Variants in PCOLCE2 observed in about 807,000 individuals in gnomAD.
The protein encoded by PCOLCE2 is procollagen C-proteinase enhancer 2.
PCOLCE2 carries 42 observed loss-of-function variants against 47.0 expected under a neutral mutation model. The ratio of observed to expected loss-of-function variants is 0.89; its 90% confidence interval spans 0.70 to 1.16. The LOEUF is 1.16. Ranked by LOEUF, PCOLCE2 falls within the 50% of genes most tolerant of loss-of-function variation. The pLI is 0.00. For synonymous variants in PCOLCE2, 169 were observed against 191.7 expected (o/e 0.88, Z 0.98); for missense variants, 500 against 526.1 (o/e 0.95, Z 0.49).
intron 2 of PCOLCE2, among the ~76,000 whole-genome samples, chr3:142,873,705 A>G (rs370470617): frequency 1.4e-4 from 22 of 152,330 alleles, no homozygotes; most frequent in African/African-American, 5.1e-4. Context: ...TTCAGAAACC[A>G]ACAATAAACC....
intron 2 of PCOLCE2, among the ~76,000 whole-genome samples, chr3:142,871,708 T>G (rs1462274381): frequency 1.3e-5 from 2 of 152,204 alleles, no homozygotes; most frequent in Admixed American, 1.3e-4. Flanking sequence ...CCTGCTGACT[T>G]GCACTACAAA....
chr3:142,843,122 G>C, intron 3 of PCOLCE2, 74 bp from the exon 4 acceptor site: 1 of 1,446,406 alleles, frequency 6.9e-7, no homozygotes, highest in Non-Finnish European at 9.6e-7. Flanking sequence ...TGGAGATTAG[G>C]AATGTGGGAT....
chr3:142,860,266 C>A, intron 2 of PCOLCE2, among the ~76,000 whole-genome samples: 1 of 152,182 alleles, frequency 6.6e-6, no homozygotes, highest in Non-Finnish European at 1.5e-5. Context: ...CCCTTTTAAA[C>A]TTCACCTCTT....
Position 142,820,908 on chromosome 3 carries a change from C to A in PCOLCE2, c.1087G>T (p.Val363Phe). ...CTGAGGAGAGGGCACTGCTTGCAGA[C>A]GACAGTCAGCCTGGCACTCATGTTC... The part of the protein sequence containing the change: ...GKNMSARLTV[V>F]CKQCPLLRRG... The change falls in exon 8 of 9, where the codon GTC becomes TTC. Residue 363 changes from valine to phenylalanine, a missense_variant. Coordinates refer to ENST00000295992, the MANE Select transcript of PCOLCE2 (RefSeq NM_013363.4). 6.2e-7 allele frequency: 1 copy of A among 1,613,856 alleles called. No homozygotes were observed. Among genetic ancestry groups the A allele is most frequent in the Non-Finnish European group, 8.5e-7 (1 of 1,179,820 alleles).
chr3:142,853,064 C>A (rs1932982400), intron 2 of PCOLCE2, among the ~76,000 whole-genome samples: 1 of 147,316 alleles, frequency 6.8e-6, no homozygotes, highest in African/African-American at 2.5e-5. Context: ...CATGATCACA[C>A]TGTACTCTAG....
At chr3:142,826,348 A>T (rs1179844973) in intron 6 of PCOLCE2, among the ~76,000 whole-genome samples, 1 of 152,036 alleles carries the variant, frequency 6.6e-6, no homozygotes, top group Non-Finnish European at 1.5e-5. Flanking sequence ...CATAGCAGAA[A>T]ATGTTCTCAA....
intron 6 of PCOLCE2, among the ~76,000 whole-genome samples, chr3:142,824,220 C>T (rs1172210591): frequency 6.6e-6 from 1 of 151,788 alleles, no homozygotes; most frequent in African/African-American, 2.4e-5. Flanking sequence ...ATAGACAAAA[C>T]ACAGCAGTTC....
At position 142,888,999 on chromosome 3, in the gene PCOLCE2, G is replaced by A. The variant is rs1220288999; in HGVS notation, c.-103C>T. 1 of 524,816 alleles carries A rather than the reference G, an allele frequency of 1.9e-6. No homozygotes were observed. The highest frequency in any genetic ancestry group is 6.7e-5 in the South Asian group (1 of 14,890). The allele number at this position is 524,816 out of a possible 1,614,324, so 32.5% of individuals were successfully genotyped here. A position where few individuals can be genotyped will look rare whatever the true frequency, so the allele number is the denominator to read the frequency against. Reference sequence around the variant, plus strand: ...CACCGCCGCTCACACTGGCAGCAGCGCTGGCTCACACCGGCGCTCGGCTGC... The same window carrying A: ...CACCGCCGCTCACACTGGCAGCAGCACTGGCTCACACCGGCGCTCGGCTGC... On this transcript the variant is annotated 5_prime_UTR_variant, in exon 1 of 9. Transcript: ENST00000295992.
intron 2 of PCOLCE2, among the ~76,000 whole-genome samples, chr3:142,877,745 G>A (rs534590642): frequency 1.3e-5 from 2 of 152,228 alleles, no homozygotes; most frequent in East Asian, 1.9e-4. Context: ...AGTATCACAC[G>A]TACTACCCTG....
intron 3 of PCOLCE2, among the ~76,000 whole-genome samples, chr3:142,845,963 G>C (rs1372509193): frequency 2.0e-5 from 3 of 152,026 alleles, no homozygotes; most frequent in African/African-American, 7.2e-5. Flanking sequence ...CAACAAGAGT[G>C]AAACTCAGTC....
intron 2 of PCOLCE2, among the ~76,000 whole-genome samples, chr3:142,881,833 C>T (rs73232758): frequency 0.19 from 28,780 of 152,086 alleles, 3,137 homozygotes; most frequent in South Asian, 0.27. Context: ...GATGGTAATA[C>T]TTGAGTTACC....
At chr3:142,845,122 G>T (rs948568400) in intron 3 of PCOLCE2, among the ~76,000 whole-genome samples, 2 of 151,854 alleles carry the variant, frequency 1.3e-5, no homozygotes, top group African/African-American at 4.8e-5. Context: ...TATTCCATCT[G>T]TTTTTCCTTA....
chr3:142,879,793 C>G (rs1246258200), intron 2 of PCOLCE2, among the ~76,000 whole-genome samples: 3 of 151,432 alleles, frequency 2.0e-5, no homozygotes, highest in African/African-American at 7.3e-5. Context: ...CACGGTGAAA[C>G]CCCGCCTCTA....
At chr3:142,831,546 A>C (rs780867422) in intron 5 of PCOLCE2, among the ~76,000 whole-genome samples, 1 of 152,240 alleles carries the variant, frequency 6.6e-6, no homozygotes, top group Non-Finnish European at 1.5e-5. Flanking sequence ...AAAGTGATGA[A>C]GTTATTTAAA....
rs374403787 is a variant in PCOLCE2, at chr3:142,839,064, TA to T, written c.574-159del. 4.6e-3 allele frequency among the ~76,000 whole-genome samples: 691 copies of T among 149,344 alleles called. 4 individuals are homozygous for T. Among genetic ancestry groups the T allele is most frequent in the East Asian group, 0.025 (127 of 5,132 alleles). ...TTTTGTTGCATATTTCTTATTTAGT[TA>T]AAAAAAAAACTGTGGTATTCTTTTG... On this transcript the variant is annotated intron_variant, in intron 4 of 8. Transcript: ENST00000295992.
chr3:142,862,637 T>C (rs949647376), intron 2 of PCOLCE2, among the ~76,000 whole-genome samples: 8 of 152,164 alleles, frequency 5.3e-5, no homozygotes, highest in African/African-American at 1.9e-4. Context: ...GATGCTGTAT[T>C]TGTAGGTTAT....
At position 142,842,127 on chromosome 3, in the gene PCOLCE2, G is replaced by C. The variant is rs1405264973; in HGVS notation, c.573+797C>G. On this transcript the variant is annotated intron_variant, in intron 4 of 8. Coordinates refer to ENST00000295992, the MANE Select transcript of PCOLCE2 (RefSeq NM_013363.4). This position sits in a 1 kb window ranked among gnomAD's most constrained non-coding sequence, Gnocchi z 4.1. ...ACCAAAAACACCCTAAAGCAGACCAGCTTGTTCTTTGAAGAGATAATGTGG... is the reference window on the plus strand; with the variant it reads ...ACCAAAAACACCCTAAAGCAGACCACCTTGTTCTTTGAAGAGATAATGTGG... Among the ~76,000 whole-genome samples the C allele has an allele frequency of 6.6e-6, 1 of 152,180 alleles. No homozygotes were observed. Among genetic ancestry groups the C allele is most frequent in the African/African-American group, 2.4e-5 (1 of 41,446 alleles).
intron 2 of PCOLCE2, among the ~76,000 whole-genome samples, chr3:142,877,044 T>C (rs1187507501): frequency 6.6e-6 from 1 of 152,180 alleles, no homozygotes; most frequent in Non-Finnish European, 1.5e-5. Context: ...GTGTCTCTAT[T>C]AGGAATAAAT....
intron 2 of PCOLCE2, among the ~76,000 whole-genome samples, chr3:142,849,606 G>A (rs1307219301): frequency 1.3e-5 from 2 of 152,046 alleles, no homozygotes; most frequent in African/African-American, 2.4e-5. Context: ...TTCTTTCCCA[G>A]TTCATACCAC....
Sources: gnomAD v4.1 joint callset for allele counts (sites outside exome capture counted in the v4.1 genomes callset) on GRCh38, gnomAD v4.1.1 for gene constraint, Gnocchi (gnomAD v3.1) non-coding constraint, MANE v1.5 for transcripts, NCBI Gene and HGNC (gene_info 2026-07-23, HGNC 2026-07-21) for gene names.